Variants in DYNC2I1 observed in about 807,000 individuals in gnomAD.
The protein encoded by DYNC2I1 is dynein 2 intermediate chain 1, also known as cytoplasmic dynein 2 intermediate chain 1.
Under a neutral mutation model 133.4 loss-of-function variants are expected in DYNC2I1, and 89 were observed. The observed-to-expected ratio is 0.67, with a 90% CI of 0.56 to 0.80. The LOEUF (loss-of-function observed/expected upper bound fraction) is 0.80. DYNC2I1 is among the 30% of genes least tolerant of loss of function. The pLI is 0.00. For missense variants in DYNC2I1, 1,291 were observed against 1,314.5 expected (o/e 0.98, Z 0.28); for synonymous variants, 504 against 484.3 (o/e 1.04, Z -0.54).
chr7:158,868,429 T>C (rs1842598260), intron 1 of DYNC2I1, among the ~76,000 whole-genome samples: 1 of 152,188 alleles, frequency 6.6e-6, no homozygotes, highest in East Asian at 1.9e-4. Flanking sequence ...AGAGATGTCA[T>C]CACACTTGAA....
chr7:158,842,616 C>CA, the DYNC2I1 span, among the ~76,000 whole-genome samples: 1 of 152,348 alleles, frequency 6.6e-6, no homozygotes, highest in South Asian at 2.1e-4. Flanking sequence ...ATAGCTGTCA[C>CA]AGACACCTTT....
intron 7 of DYNC2I1, among the ~76,000 whole-genome samples, chr7:158,890,773 C>T (rs1845130228): frequency 6.6e-6 from 1 of 152,024 alleles, no homozygotes; most frequent in Non-Finnish European, 1.5e-5. Context: ...GGGATTTCAC[C>T]ATGTTGGCTA....
At chr7:158,942,184 G>C (rs748470271) in intron 24 of DYNC2I1, 36 bp downstream of exon 24, 11 of 1,482,686 alleles carry the variant, frequency 7.4e-6, no homozygotes, top group Admixed American at 4.7e-5. Context: ...TGCTGGTTGT[G>C]GGGGGGCTTC....
intron 10 of DYNC2I1, chr7:158,903,539 A>G (rs1041943676): frequency 1.3e-5 from 2 of 152,262 alleles, no homozygotes; most frequent in African/African-American, 4.8e-5. Context: ...TGTGCCTGCT[A>G]CAGAGGTGGC....
At position 158,923,790 on chromosome 7, in the gene DYNC2I1, G is replaced by A. The variant is rs1338830249; in HGVS notation, c.2257+57G>A. On this transcript the variant is annotated intron_variant, in intron 17 of 24. Coordinates refer to ENST00000407559, the MANE Select transcript of DYNC2I1 (RefSeq NM_018051.5). ...TGCTAGAAAAGCCACACGGATTTGA[G>A]GAACAAAGCTTTACATGGATTTGCA... 2.6e-6 allele frequency: 4 copies of A among 1,566,800 alleles called. No individual in the cohort carries two copies. In the East Asian group the frequency reaches 9.1e-5, roughly 36 times the overall value.
Position 158,911,540 on chromosome 7 carries a change from T to G in DYNC2I1, c.1461-10T>G, listed in dbSNP as rs1202076728. 1 of 1,609,082 alleles carries G rather than the reference T, an allele frequency of 6.2e-7. No individual in the cohort carries two copies. ...GTTAATTTTTGTCTTGTTTCCAATTTATTTCAAAGGATGCGAAGTACAAAA... is the reference window on the plus strand; with the variant it reads ...GTTAATTTTTGTCTTGTTTCCAATTGATTTCAAAGGATGCGAAGTACAAAA... On this transcript the variant is annotated splice_polypyrimidine_tract_variant and intron_variant, in intron 11 of 24. Coordinates refer to ENST00000407559, the MANE Select transcript of DYNC2I1 (RefSeq NM_018051.5).
At chr7:158,937,974 CAG>C (rs1301523116) in intron 23 of DYNC2I1, among the ~76,000 whole-genome samples, 1 of 152,082 alleles carries the variant, frequency 6.6e-6, no homozygotes, top group African/African-American at 2.4e-5. Context: ...ACCTACAAGA[CAG>C]AAAATAACCA....
chr7:158,918,831 G>A lies in DYNC2I1; in HGVS notation c.1883G>A (p.Ser628Asn), dbSNP rs149660873. ...GACAGGGCCCTGTATTTTAGTGACA[G>A]CTCATCTCAGCTGAACACCAGTCTA... ...AQDRALYFSD[S>N]SSQLNTSLPF... Residue 628 changes from serine (S) to asparagine (N), a missense_variant, in exon 15 of 25, where the codon AGC (serine) becomes AAC (asparagine). By Grantham distance (46) the Ser-to-Asn change is conservative (BLOSUM62 1). Transcript: ENST00000407559. The A allele has an allele frequency of 2.0e-4, 326 of 1,613,864 alleles. No homozygotes were observed. The African/African-American group carries it at 3.5e-3, about 17-fold the overall frequency.
chr7:158,896,209 A>G (rs1378288333), intron 8 of DYNC2I1, among the ~76,000 whole-genome samples: 1 of 152,124 alleles, frequency 6.6e-6, no homozygotes, highest in Non-Finnish European at 1.5e-5. Context: ...CTTAGGTATG[A>G]TATTAGCTGT....
chr7:158,950,362 G>A (rs62477965), downstream of DYNC2I1, among the ~76,000 whole-genome samples: 3,238 of 152,136 alleles, frequency 0.021, 59 homozygotes, highest in Admixed American at 0.051. Flanking sequence ...ACTGTGCCTG[G>A]CCTAAGATTC....
At chr7:158,934,062 TA>T in intron 21 of DYNC2I1, 66 bp from the exon 22 acceptor site, 1 of 1,124,124 alleles carries the variant, frequency 8.9e-7, no homozygotes, top group Non-Finnish European at 1.3e-6. Flanking sequence ...AAATCAGTGT[TA>T]ATACCATCAT....
At chr7:158,948,316 C>T (rs984102826), downstream of DYNC2I1, among the ~76,000 whole-genome samples, 9 of 152,244 alleles carry the variant, frequency 5.9e-5, no homozygotes, top group African/African-American at 9.6e-5. Context: ...CCTTGCTGCA[C>T]GCAGGCTGAG....
At chr7:158,883,690 G>T in intron 5 of DYNC2I1, among the ~76,000 whole-genome samples, 1 of 119,530 alleles carries the variant, frequency 8.4e-6, no homozygotes, top group African/African-American at 3.3e-5. Flanking sequence ...TTGAGACGGA[G>T]TCTTGCTCTG....
At chr7:158,938,579 A>T (rs1339718530) in intron 23 of DYNC2I1, among the ~76,000 whole-genome samples, 6 of 152,208 alleles carry the variant, frequency 3.9e-5, no homozygotes, top group African/African-American at 1.4e-4. Flanking sequence ...CAACATGATG[A>T]AATATGTCTC....
In DYNC2I1 at chr7:158,879,710, C is replaced by G; in HGVS notation, c.600C>G (p.Asn200Lys). 6.3e-7 allele frequency: 1 copy of G among 1,591,264 alleles called. No individual in the cohort carries two copies. Among genetic ancestry groups the G allele is most frequent in the Non-Finnish European group, 8.5e-7 (1 of 1,173,770 alleles). Reference sequence around the variant, plus strand: ...TGCAGTACGGAGACAGCAAGGACAACCCTCTCAAGTACTGGCTTTATAAAG... The same window carrying G: ...TGCAGTACGGAGACAGCAAGGACAAGCCTCTCAAGTACTGGCTTTATAAAG... Reference protein sequence around the residue: ...RKLQYGDSKDNPLKYWLYKEE... With the variant: ...RKLQYGDSKDKPLKYWLYKEE... The change falls in exon 5 of 25, where the codon AAC becomes AAG. Residue 200 changes from asparagine to lysine, a missense_variant. Physicochemically the swap from Asn to Lys is moderately conservative, Grantham distance 94 (BLOSUM62 0). Coordinates refer to ENST00000407559, the MANE Select transcript of DYNC2I1 (RefSeq NM_018051.5).
intron 7 of DYNC2I1, among the ~76,000 whole-genome samples, chr7:158,889,821 T>G (rs542277397): frequency 6.6e-6 from 1 of 151,634 alleles, no homozygotes; most frequent in Non-Finnish European, 1.5e-5. Context: ...CTGACCAACA[T>G]GGTGAAACTC....
At chr7:158,901,637 C>T in intron 8 of DYNC2I1, 102 bp from the exon 9 acceptor site, 1 of 742,816 alleles carries the variant, frequency 1.3e-6, no homozygotes, top group Non-Finnish European at 2.2e-6. Flanking sequence ...AAATTAGCAA[C>T]ATCAAAGGAA....
downstream of DYNC2I1, among the ~76,000 whole-genome samples, chr7:158,950,086 A>T (rs1852010524): frequency 6.6e-6 from 1 of 150,584 alleles, no homozygotes; most frequent in African/African-American, 2.5e-5. Context: ...GAGCGTTTTT[A>T]AAATTTTATT....
At chr7:158,955,172 T>A (rs1585280619) in intron 4 of DYNC2I1, among the ~76,000 whole-genome samples, 1 of 152,342 alleles carries the variant, frequency 6.6e-6, no homozygotes, top group East Asian at 1.9e-4. Flanking sequence ...CATCAAATAA[T>A]GTTGGGGGAA....
Sources: gnomAD v4.1 joint callset for allele counts (sites outside exome capture counted in the v4.1 genomes callset) on GRCh38, gnomAD v4.1.1 for gene constraint, MANE v1.5 for transcripts, NCBI Gene and HGNC (gene_info 2026-07-23, HGNC 2026-07-21) for gene names.